Variants in RASSF2 observed in about 807,000 individuals in gnomAD.
RASSF2 encodes the protein ras association domain-containing protein 2.
Under a neutral mutation model 46.3 loss-of-function variants are expected in RASSF2, and 34 were observed. That is an observed-to-expected ratio of 0.73 (90% CI 0.56 to 0.98). The LOEUF is 0.98. Ranked by LOEUF, RASSF2 falls within the 50% of genes least tolerant of loss-of-function variation. The pLI is 0.00. For missense variants in RASSF2, 364 were observed against 431.2 expected (o/e 0.84, Z 1.38); for synonymous variants, 158 against 162.5 (o/e 0.97, Z 0.21).
chr20:4,793,525 T>G (rs2422999), intron 5 of RASSF2, among the ~76,000 whole-genome samples: 61,290 of 152,106 alleles, frequency 0.4, 12,512 homozygotes, highest in African/African-American at 0.43. Context: ...AGAATGGACC[T>G]GGTCAGAGCT....
chr20:4,792,397 G>A, intron 6 of RASSF2, 142 bp downstream of exon 6: 1 of 1,508,004 alleles, frequency 6.6e-7, no homozygotes, highest in South Asian at 1.2e-5. Flanking sequence ...GGTGGATGAG[G>A]TGGGTGACTT....
At position 4,786,315 on chromosome 20, in the gene RASSF2, A is replaced by G; in HGVS notation, c.827T>C (p.Ile276Thr). ...EEVTYDVAQY[I>T]KFEMPVLKSF... is the part of the protein sequence containing the mutation. The stretch of plus-strand genomic sequence containing the variant: ...TTTAAGTACCGGCATCTCGAACTTT[A>G]TATACTGGGCCACCTAGAGAGAAAG... Residue 276 changes from isoleucine to threonine, a missense_variant, in exon 11 of 12, where the codon ATA becomes ACA. Ile to Thr is a moderately conservative substitution (Grantham distance 89). Coordinates refer to ENST00000379400, the MANE Select transcript of RASSF2 (RefSeq NM_014737.3). 1.9e-6 allele frequency: 3 copies of G among 1,608,864 alleles called. No homozygotes were observed. The highest frequency in any genetic ancestry group is 1.7e-6 in the Non-Finnish European group (2 of 1,175,232).
intron 2 of RASSF2, among the ~76,000 whole-genome samples, chr20:4,820,526 A>T (rs1928622158): frequency 6.6e-6 from 1 of 151,898 alleles, no homozygotes. Context: ...TAATAATAAT[A>T]ATAAATATAA....
At chr20:4,806,566 T>C (rs577445987) in intron 2 of RASSF2, among the ~76,000 whole-genome samples, 7 of 152,272 alleles carry the variant, frequency 4.6e-5, no homozygotes, top group Admixed American at 1.3e-4. Flanking sequence ...CGCCTCAGCC[T>C]CCCGAAGGGA....
intron 5 of RASSF2, among the ~76,000 whole-genome samples, chr20:4,794,713 A>G (rs1030126607): frequency 1.5e-4 from 23 of 152,226 alleles, no homozygotes; most frequent in African/African-American, 5.3e-4. Flanking sequence ...TGTCTCAAAC[A>G]AAACAAAACA....
At chr20:4,791,820 T>C (rs1925902620) in intron 6 of RASSF2, among the ~76,000 whole-genome samples, 1 of 152,170 alleles carries the variant, frequency 6.6e-6, no homozygotes, top group Admixed American at 6.5e-5. Flanking sequence ...CCTTTTTCCA[T>C]ACAGTGAAAG....
intron 2 of RASSF2, among the ~76,000 whole-genome samples, chr20:4,810,454 G>A (rs940196203): frequency 1.3e-5 from 2 of 152,124 alleles, no homozygotes; most frequent in Non-Finnish European, 1.5e-5. Context: ...CTGCTCTTAG[G>A]TCTTGCTTCC....
rs1025881355 is a variant in RASSF2 at position 4,812,063 on chromosome 20, C to G, written c.-33+10266G>C. The stretch of plus-strand genomic sequence containing the variant: ...GCGGTGTGGATGGCAAACAGGAAAC[C>G]CCAGCCCCATTGCACCACACGAGGA... On this transcript the variant is annotated intron_variant, in intron 2 of 11. Coordinates refer to ENST00000379400, the MANE Select transcript of RASSF2 (RefSeq NM_014737.3). This position sits in a 1 kb window ranked among gnomAD's most constrained non-coding sequence, Gnocchi z 4.0. Among the ~76,000 whole-genome samples, 1 of 152,122 alleles carries G rather than the reference C, an allele frequency of 6.6e-6. No individual in the cohort carries two copies. Among genetic ancestry groups the G allele is most frequent in the East Asian group, 1.9e-4 (1 of 5,188 alleles).
chr20:4,800,879 T>A (rs1210669353), intron 3 of RASSF2, 93 bp downstream of exon 3: 6 of 1,049,498 alleles, frequency 5.7e-6, no homozygotes, highest in African/African-American at 1.6e-5. Context: ...TGATATACAG[T>A]GGGGGGCCCT....
intron 2 of RASSF2, among the ~76,000 whole-genome samples, chr20:4,813,782 C>T (rs951871296): frequency 2.0e-5 from 3 of 150,176 alleles, no homozygotes; most frequent in African/African-American, 7.3e-5. Context: ...CAGTGTGTGG[C>T]GTGTGTGTGT....
intron 2 of RASSF2, among the ~76,000 whole-genome samples, chr20:4,817,009 G>A (rs900803609): frequency 2.0e-5 from 3 of 152,198 alleles, no homozygotes. Context: ...GGAGGCTGAG[G>A]CAGGAGAATT....
At position 4,781,231 on chromosome 20, in the gene RASSF2, T is replaced by TGG. The variant is rs3833324; in HGVS notation, c.*3040_*3041dup. On this transcript the variant is annotated 3_prime_UTR_variant, in exon 12 of 12. Transcript: ENST00000379400. ...TTTTTTGCATGGAAAACAGATATTTTGGGGGGGGCATTATATGCTACCGAT... is the reference window on the plus strand; with the variant it reads ...TTTTTTGCATGGAAAACAGATATTTTGGGGGGGGGGCATTATATGCTACCGAT... The TGG allele has an allele frequency of 1.8e-3, 270 of 151,506 alleles. No homozygotes were observed. The highest frequency in any genetic ancestry group is 6.8e-3 in the Middle Eastern group (2 of 292). 9.4% of individuals were successfully genotyped at this position (151,506 alleles called of 1,614,324 possible).
chr20:4,814,069 T>C (rs1391597963), intron 2 of RASSF2, among the ~76,000 whole-genome samples: 2 of 152,156 alleles, frequency 1.3e-5, no homozygotes, highest in Non-Finnish European at 2.9e-5. Flanking sequence ...CTCCCTGACC[T>C]GCATTTCTCA....
intron 8 of RASSF2, 129 bp from the exon 9 acceptor site, chr20:4,788,397 C>T: frequency 1.3e-6 from 1 of 779,194 alleles, no homozygotes; most frequent in East Asian, 2.6e-5. Flanking sequence ...AGCTATTTAT[C>T]TACAACTCTC....
chr20:4,805,566 T>C (rs1421534303), intron 2 of RASSF2, among the ~76,000 whole-genome samples: 1 of 152,124 alleles, frequency 6.6e-6, no homozygotes, highest in East Asian at 1.9e-4. Context: ...ACTATAGTCA[T>C]TTTTCTCGGC....
chr20:4,816,509 C>T (rs984006614), intron 2 of RASSF2, among the ~76,000 whole-genome samples: 3 of 152,008 alleles, frequency 2.0e-5, no homozygotes, highest in African/African-American at 2.4e-5. Context: ...CTGTTTGGAA[C>T]GACGAAAAAG....
intron 11 of RASSF2, among the ~76,000 whole-genome samples, chr20:4,784,608 A>G (rs1167185029): frequency 6.6e-6 from 1 of 151,610 alleles, no homozygotes; most frequent in Non-Finnish European, 1.5e-5. Flanking sequence ...AAAAAAAAAA[A>G]AAAAAAAGGT....
At chr20:4,820,374 G>A (rs957447686) in intron 2 of RASSF2, among the ~76,000 whole-genome samples, 3 of 152,064 alleles carry the variant, frequency 2.0e-5, no homozygotes, top group Non-Finnish European at 4.4e-5. Flanking sequence ...AGCTGGGTGT[G>A]GTGGCATATG....
At chr20:4,786,354 T>G in intron 10 of RASSF2, 26 bp from the exon 11 acceptor site, 1 of 1,501,500 alleles carries the variant, frequency 6.7e-7, no homozygotes, top group African/African-American at 1.4e-5. Flanking sequence ...CAAGTCTGGG[T>G]GAATGCCCTT....
Sources: allele counts gnomAD v4.1 joint callset (sites outside exome capture counted in the v4.1 genomes callset), GRCh38; gene constraint gnomAD v4.1.1; non-coding constraint Gnocchi (gnomAD v3.1); transcripts MANE v1.5; gene names NCBI Gene and HGNC (gene_info 2026-07-23, HGNC 2026-07-21).